USP39: variants seen among roughly 807,000 people sequenced by gnomAD.
USP39 encodes the protein ubiquitin specific peptidase 39, also known as ubiquitin carboxyl-terminal hydrolase 39.
USP39 carries 38 observed loss-of-function variants against 66.4 expected under a neutral mutation model. That is an observed-to-expected ratio of 0.57 (90% CI 0.44 to 0.75). The LOEUF (loss-of-function observed/expected upper bound fraction) is 0.75, where lower values mean the gene tolerates loss of function less well. Among genes scored for constraint, USP39 ranks in the 30% least tolerant of loss-of-function variants. The pLI is 0.00. For synonymous variants in USP39, 303 were observed against 274.6 expected, an observed-to-expected ratio of 1.10 and a Z score of -1.02; for missense variants, 608 against 714.4, an observed-to-expected ratio of 0.85 and a Z score of 1.70.
chr2:85,616,480 C>A lies in USP39; in HGVS notation c.268+17C>A. The A allele has an allele frequency of 8.0e-7, 1 of 1,245,652 alleles. No homozygotes were observed. The highest frequency in any genetic ancestry group is 1.0e-6 in the Non-Finnish European group (1 of 966,568). 77.2% of individuals were successfully genotyped at this position (1,245,652 alleles called of 1,614,324 possible). A position where few individuals can be genotyped will look rare whatever the true frequency, so the allele number is the denominator to read the frequency against. On this transcript the variant is annotated intron_variant, in intron 1 of 12. Transcript: ENST00000323701. ...AGGTGCGAGGTGCGCGGGGCCGGGC[C>A]GGGCTAGGCGCGAGAGCCTGTTTTT...
chr2:85,648,573 C>T (rs1676822432), intron 12 of USP39, among the ~76,000 whole-genome samples, 188 bp from the exon 13 acceptor site: 1 of 152,198 alleles, frequency 6.6e-6, no homozygotes, highest in South Asian at 2.1e-4. Flanking sequence ...AAAGTGATAC[C>T]TCTCCTTCTA....
upstream of USP39, chr2:85,608,983 T>A: frequency 6.2e-7 from 1 of 1,614,234 alleles, no homozygotes; most frequent in Non-Finnish European, 8.5e-7. Flanking sequence ...TCCTCCTGGA[T>A]ACGCAACTTG....
intron 3 of USP39, among the ~76,000 whole-genome samples, chr2:85,622,866 G>A (rs1470307258): frequency 6.6e-6 from 1 of 152,076 alleles, no homozygotes; most frequent in Non-Finnish European, 1.5e-5. Flanking sequence ...AACATAGCAA[G>A]ACCCTGTCTC....
chr2:85,619,436 T>A, intron 2 of USP39, 147 bp downstream of exon 2: 1 of 769,716 alleles, frequency 1.3e-6, no homozygotes, highest in Non-Finnish European at 2.1e-6. Flanking sequence ...TGTTACTCCT[T>A]ATTCTTTGAT....
chr2:85,642,647 A>G (rs17508809), intron 10 of USP39, among the ~76,000 whole-genome samples: 15,448 of 152,292 alleles, frequency 0.1, 863 homozygotes, highest in South Asian at 0.17. Context: ...AATTGTGACT[A>G]ATTCTGGAAA....
intron 1 of USP39, 21 bp downstream of exon 1, chr2:85,616,484 C>T (rs1673962559): frequency 7.1e-7 from 1 of 1,409,310 alleles, no homozygotes; most frequent in Non-Finnish European, 9.4e-7. Context: ...CCGGGCCGGG[C>T]TAGGCGCGAG....
intron 5 of USP39, 105 bp downstream of exon 5, chr2:85,625,796 A>G: frequency 7.0e-7 from 1 of 1,427,608 alleles, no homozygotes; most frequent in Non-Finnish European, 9.4e-7. Context: ...AGGCAGGCGG[A>G]TTGCCTGAGG....
At chr2:85,621,374 G>A in intron 2 of USP39, 111 bp from the exon 3 acceptor site, 1 of 874,076 alleles carries the variant, frequency 1.1e-6, no homozygotes. Context: ...GTTGTGAACT[G>A]TTTTCTGAAG....
At chr2:85,634,237 G>T (rs1384238206) in intron 6 of USP39, among the ~76,000 whole-genome samples, 1 of 151,878 alleles carries the variant, frequency 6.6e-6, no homozygotes. Flanking sequence ...GGGTTAGTAG[G>T]AAATAAGATA....
chr2:85,622,751 G>C (rs1674559651), intron 3 of USP39, among the ~76,000 whole-genome samples: 1 of 151,492 alleles, frequency 6.6e-6, no homozygotes, highest in South Asian at 2.1e-4. Context: ...GGATTCAAAT[G>C]AGGTAAAAAC....
At chr2:85,611,348 C>T, upstream of USP39, 1 of 1,440,430 alleles carries the variant, frequency 6.9e-7, no homozygotes, top group Non-Finnish European at 9.1e-7. Context: ...GTGCTGGTCG[C>T]TCATCGCTGT....
intron 10 of USP39, among the ~76,000 whole-genome samples, chr2:85,641,561 G>A (rs1676230788): frequency 6.6e-6 from 1 of 152,078 alleles, no homozygotes; most frequent in Non-Finnish European, 1.5e-5. Context: ...CTTTTTGGGG[G>A]TAGACTGTTG....
chr2:85,612,531 G>A (rs965921186), upstream of USP39, among the ~76,000 whole-genome samples: 6 of 152,256 alleles, frequency 3.9e-5, no homozygotes, highest in African/African-American at 1.4e-4. Context: ...CCAGGCCGCA[G>A]GCGCCGCGAA....
upstream of USP39, among the ~76,000 whole-genome samples, chr2:85,609,229 G>A (rs1191726269): frequency 6.6e-6 from 1 of 152,206 alleles, no homozygotes; most frequent in Non-Finnish European, 1.5e-5. Flanking sequence ...TCCACTGGGG[G>A]CCAAGAGCCC....
chr2:85,624,283 TTTGA>T (rs1432188152), intron 4 of USP39, among the ~76,000 whole-genome samples: 4 of 152,028 alleles, frequency 2.6e-5, no homozygotes, highest in Non-Finnish European at 5.9e-5. Context: ...GTGTTGGGCT[TTTGA>T]TTATTATTTT....
chr2:85,612,450 G>A, upstream of USP39: 1 of 1,321,376 alleles, frequency 7.6e-7, no homozygotes, highest in Non-Finnish European at 1.0e-6. Flanking sequence ...TTAGTAAATG[G>A]GAACACCTAG....
At chr2:85,618,343 C>G (rs1015935357) in intron 1 of USP39, among the ~76,000 whole-genome samples, 1 of 151,670 alleles carries the variant, frequency 6.6e-6, no homozygotes, top group Non-Finnish European at 1.5e-5. Flanking sequence ...GAGGGTGGAT[C>G]GCAAGGTCAG....
chr2:85,630,871 G>A lies in USP39; in HGVS notation c.874G>A (p.Ala292Thr), dbSNP rs758188312. ...GCTCTGGAACCCTCGAAATTTCAAG[G>A]CACATGTGTCTCCCCATGAGATGCT... ...RKLWNPRNFK[A>T]HVSPHEMLQA... The change falls in exon 6 of 13, where the codon GCA becomes ACA. Residue 292 changes from alanine to threonine, a missense_variant. Physicochemically the swap from Ala to Thr is moderately conservative, Grantham distance 58. Coordinates refer to ENST00000323701, the MANE Select transcript of USP39 (RefSeq NM_006590.4). 9.3e-6 allele frequency: 15 copies of A among 1,614,170 alleles called. No individual in the cohort carries two copies. The highest frequency in any genetic ancestry group is 1.2e-5 in the Non-Finnish European group (14 of 1,180,034).
At chr2:85,646,463 C>T (rs1676654628) in intron 11 of USP39, among the ~76,000 whole-genome samples, 1 of 152,158 alleles carries the variant, frequency 6.6e-6, no homozygotes, top group African/African-American at 2.4e-5. Context: ...GAGGAGGAGA[C>T]CTAGGCTCAG....
Sources: gnomAD v4.1 joint callset for allele counts (sites outside exome capture counted in the v4.1 genomes callset) on GRCh38, gnomAD v4.1.1 for gene constraint, MANE v1.5 for transcripts, NCBI Gene and HGNC (gene_info 2026-07-23, HGNC 2026-07-21) for gene names.